The following SPSB1 variants were observed in gnomAD, a reference collection of about 807,000 sequenced individuals.
SPSB1 encodes splA/ryanodine receptor domain and SOCS box containing 1.
SPSB1 carries 8 observed loss-of-function variants against 21.2 expected under a neutral mutation model. The observed-to-expected ratio is 0.38, with a 90% confidence interval of 0.22 to 0.68. The LOEUF is 0.68. Among genes scored for constraint, SPSB1 ranks in the 30% least tolerant of loss-of-function variants. The pLI is 0.53. For missense variants in SPSB1, 242 were observed against 377.8 expected (o/e 0.64, Z 2.98); for synonymous variants, 169 against 161.7 (o/e 1.05, Z -0.34).
Position 9,292,932 on chromosome 1 carries a change from CA to C in SPSB1, c.-288del. 3.2e-6 allele frequency: 3 copies of C among 952,100 alleles called. No individual in the cohort carries two copies. The highest frequency in any genetic ancestry group is 3.7e-6 in the Non-Finnish European group (3 of 819,010). 59.0% of individuals were successfully genotyped at this position (952,100 alleles called of 1,614,324 possible). On this transcript the variant is annotated 5_prime_UTR_variant, in exon 1 of 3. Coordinates refer to ENST00000328089, the MANE Select transcript of SPSB1 (RefSeq NM_025106.4). ...GCTCGGGCAGCCTGCGCGCTCGCAG[CA>C]GGAACCAGGCTCCAGGCGCCGGCGC...
At chr1:9,339,688 G>A (rs953203709) in intron 1 of SPSB1, among the ~76,000 whole-genome samples, 1 of 152,168 alleles carries the variant, frequency 6.6e-6, no homozygotes, top group South Asian at 2.1e-4. Context: ...CCTGTGAGGA[G>A]GGGAGGGGCC....
Position 9,338,478 on chromosome 1 carries a change from G to T in SPSB1, c.-149-17265G>T, listed in dbSNP as rs80232913. Among the ~76,000 whole-genome samples the T allele has an allele frequency of 6.2e-3, 941 of 152,356 alleles. 22 individuals are homozygous for T. The East Asian group carries it at 0.09, about 15-fold the overall frequency. On this transcript the variant is annotated intron_variant, in intron 1 of 2. Coordinates refer to ENST00000328089, the MANE Select transcript of SPSB1 (RefSeq NM_025106.4). Reference sequence around the variant, plus strand: ...AAGGCCACCCAGGACAGCACTTGCTGGGGAGGACAGGGGGCACAGCCAGAT... The same window carrying T: ...AAGGCCACCCAGGACAGCACTTGCTTGGGAGGACAGGGGGCACAGCCAGAT...
Position 9,368,228 on chromosome 1 carries a change from A to G in SPSB1, c.*653A>G, listed in dbSNP as rs1557470116. 1 of 152,812 alleles carries G rather than the reference A, an allele frequency of 6.5e-6. No homozygotes were observed. The highest frequency in any genetic ancestry group is 1.5e-5 in the Non-Finnish European group (1 of 68,264). 9.5% of individuals were successfully genotyped at this position (152,812 alleles called of 1,614,324 possible). On this transcript the variant is annotated 3_prime_UTR_variant, in exon 3 of 3. Transcript: ENST00000328089. The stretch of plus-strand genomic sequence containing the variant: ...AAGCCATTTATTTATTCCATCTAGA[A>G]AGGAAACCCTGTTTCAGTCCCCTCT...
intron 1 of SPSB1, among the ~76,000 whole-genome samples, chr1:9,329,159 T>C (rs732591): frequency 0.36 from 54,627 of 151,580 alleles, 11,509 homozygotes; most frequent in Non-Finnish European, 0.49. Flanking sequence ...TAAGGGCAGT[T>C]GTATGAAGCA....
chr1:9,355,537 A>G (rs1175108416), intron 1 of SPSB1, among the ~76,000 whole-genome samples: 1 of 152,220 alleles, frequency 6.6e-6, no homozygotes, highest in African/African-American at 2.4e-5. Context: ...GGCCGCGTGG[A>G]CAGACAGACC....
At chr1:9,327,976 C>T (rs1347488930) in intron 1 of SPSB1, among the ~76,000 whole-genome samples, 1 of 152,250 alleles carries the variant, frequency 6.6e-6, no homozygotes, top group Admixed American at 6.5e-5. Flanking sequence ...AAAGTGCAAG[C>T]CGCTGACCTT....
chr1:9,328,902 G>A (rs1055981943), intron 1 of SPSB1, among the ~76,000 whole-genome samples: 3 of 152,196 alleles, frequency 2.0e-5, no homozygotes, highest in African/African-American at 7.2e-5. Flanking sequence ...ACCCCAACTT[G>A]TGAGCCCCAC....
rs1234226383 is a variant in SPSB1, at chr1:9,292,996, C to T, written c.-225C>T. 3 of 982,924 alleles carry T rather than the reference C, an allele frequency of 3.1e-6. No homozygotes were observed. Among genetic ancestry groups the T allele is most frequent in the Non-Finnish European group, 3.6e-6 (3 of 828,702 alleles). The allele number at this position is 982,924 out of a possible 1,614,324, so 60.9% of individuals were successfully genotyped here. A position where few individuals can be genotyped will look rare whatever the true frequency, so the allele number is the denominator to read the frequency against. On this transcript the variant is annotated 5_prime_UTR_variant, in exon 1 of 3. Transcript: ENST00000328089. ...CGCGGGGAGGAGGCGACTTCGCTCCCTGCGGCGGGCGCGGCCCGGGCGCCC... is the reference window on the plus strand; with the variant it reads ...CGCGGGGAGGAGGCGACTTCGCTCCTTGCGGCGGGCGCGGCCCGGGCGCCC...
At chr1:9,327,950 G>A (rs1042164760) in intron 1 of SPSB1, among the ~76,000 whole-genome samples, 4 of 152,264 alleles carry the variant, frequency 2.6e-5, no homozygotes, top group African/African-American at 9.6e-5. Context: ...CCCAGGACCA[G>A]CCTCAGTTTC....
In SPSB1 at chr1:9,367,652, C is replaced by T. The variant is rs1640601182; in HGVS notation, c.*77C>T. Reference sequence around the variant, plus strand: ...GCCGCCTGCCGCTGGGGCCGCCGCACCCTGCACCTTGGACCGGCATCCGTA... The same window carrying T: ...GCCGCCTGCCGCTGGGGCCGCCGCATCCTGCACCTTGGACCGGCATCCGTA... On this transcript the variant is annotated 3_prime_UTR_variant, in exon 3 of 3. Coordinates refer to ENST00000328089, the MANE Select transcript of SPSB1 (RefSeq NM_025106.4). The surrounding 1 kb of genome is among the most constrained non-coding windows in gnomAD (Gnocchi z 5.9). 1.3e-6 allele frequency: 2 copies of T among 1,501,130 alleles called. No individual in the cohort carries two copies. Among genetic ancestry groups the T allele is most frequent in the Non-Finnish European group, 1.8e-6 (2 of 1,122,038 alleles). 93.0% of individuals were successfully genotyped at this position (1,501,130 alleles called of 1,614,324 possible).
chr1:9,318,258 G>C (rs77208948), intron 1 of SPSB1, among the ~76,000 whole-genome samples: 1 of 152,212 alleles, frequency 6.6e-6, no homozygotes, highest in African/African-American at 2.4e-5. Context: ...GAACAGTGAC[G>C]GGTCCTCCGC....
intron 1 of SPSB1, among the ~76,000 whole-genome samples, chr1:9,353,858 C>A (rs1640316198): frequency 6.6e-6 from 1 of 150,602 alleles, no homozygotes; most frequent in African/African-American, 2.4e-5. Context: ...GCGGAGGTTG[C>A]AGTGAGACGA....
chr1:9,297,353 C>T (rs1639242679), intron 1 of SPSB1, among the ~76,000 whole-genome samples: 1 of 152,068 alleles, frequency 6.6e-6, no homozygotes, highest in African/African-American at 2.4e-5. Flanking sequence ...TATAGGATTC[C>T]AGGGTTGGAA....
chr1:9,360,874 G>A (rs1447420511), intron 2 of SPSB1, among the ~76,000 whole-genome samples: 1 of 152,250 alleles, frequency 6.6e-6, no homozygotes, highest in Non-Finnish European at 1.5e-5. Context: ...GAGGCAGCCA[G>A]TGTAGACCAT....
chr1:9,368,320 TC>T lies in SPSB1; in HGVS notation c.*748del, dbSNP rs1033016119. 1.3e-5 allele frequency: 2 copies of T among 152,404 alleles called. No homozygotes were observed. Among genetic ancestry groups the T allele is most frequent in the Admixed American group, 1.3e-4 (2 of 15,292 alleles). 9.4% of individuals were successfully genotyped at this position (152,404 alleles called of 1,614,324 possible). A position where few individuals can be genotyped will look rare whatever the true frequency, so the allele number is the denominator to read the frequency against. ...TGGGATATGTATGCCTCGCCCGCCC[TC>T]CCTGGGCACATGTGCACACGTGCCC... On this transcript the variant is annotated 3_prime_UTR_variant, in exon 3 of 3. Coordinates refer to ENST00000328089, the MANE Select transcript of SPSB1 (RefSeq NM_025106.4).
intron 1 of SPSB1, among the ~76,000 whole-genome samples, chr1:9,326,742 C>T (rs538504052): frequency 2.6e-5 from 4 of 152,340 alleles, no homozygotes; most frequent in East Asian, 1.9e-4. Flanking sequence ...CTCCCACTGG[C>T]GGAGCAGAAA....
At chr1:9,337,106 A>C (rs1330495993) in intron 1 of SPSB1, among the ~76,000 whole-genome samples, 1 of 151,988 alleles carries the variant, frequency 6.6e-6, no homozygotes, top group African/African-American at 2.4e-5. Flanking sequence ...GCTTGTCCCA[A>C]TGAGAAGAGA....
intron 1 of SPSB1, among the ~76,000 whole-genome samples, chr1:9,338,954 C>A (rs767184737): frequency 6.6e-6 from 1 of 152,320 alleles, no homozygotes; most frequent in East Asian, 1.9e-4. Context: ...GGCCGATTAC[C>A]TTGTAATTGT....
chr1:9,305,411 G>A lies in SPSB1; in HGVS notation c.-150+12340G>A, dbSNP rs974002789. The stretch of plus-strand genomic sequence containing the variant: ...GTTGTGGGCAGCCCAGTGACCTGTG[G>A]GCTCCAGGAGGGCAGGACCCGGCCG... On this transcript the variant is annotated intron_variant, in intron 1 of 2. Transcript: ENST00000328089. The surrounding 1 kb of genome is among the most constrained non-coding windows in gnomAD (Gnocchi z 4.8). Among the ~76,000 whole-genome samples, 1 of 152,228 alleles carries A rather than the reference G, an allele frequency of 6.6e-6. No homozygotes were observed. The highest frequency in any genetic ancestry group is 1.5e-5 in the Non-Finnish European group (1 of 68,046).
Sources: gnomAD v4.1 joint callset for allele counts (sites outside exome capture counted in the v4.1 genomes callset) on GRCh38, gnomAD v4.1.1 for gene constraint, Gnocchi (gnomAD v3.1) non-coding constraint, MANE v1.5 for transcripts, NCBI Gene and HGNC (gene_info 2026-07-23, HGNC 2026-07-21) for gene names.